Variants in WIPF2 observed in about 807,000 individuals in gnomAD.
WIPF2 encodes the protein WAS/WASL interacting protein family member 2.
WIPF2 carries 23 observed loss-of-function variants against 38.8 expected under a neutral mutation model. The ratio of observed to expected loss-of-function variants is 0.59; its 90% CI spans 0.43 to 0.84. The LOEUF is 0.84. Among genes scored for constraint, WIPF2 ranks in the 40% least tolerant of loss-of-function variants. The probability of loss-of-function intolerance (pLI) is 0.00; values close to 1 mark genes in which losing one functional copy is unlikely to be tolerated. For synonymous variants in WIPF2, 210 were observed against 223.2 expected (o/e 0.94, Z 0.53); for missense variants, 574 against 580.5 (o/e 0.99, Z 0.11).
chr17:40,254,275 C>G (rs1449687666), intron 1 of WIPF2, among the ~76,000 whole-genome samples: 3 of 152,090 alleles, frequency 2.0e-5, no homozygotes, highest in African/African-American at 7.2e-5. Flanking sequence ...TCTCCATCTC[C>G]CAAAGTGTTG....
At chr17:40,264,350 A>C in intron 4 of WIPF2, 140 bp from the exon 5 acceptor site, 1 of 672,388 alleles carries the variant, frequency 1.5e-6, no homozygotes, top group Non-Finnish European at 2.4e-6. Context: ...AAAAAAAAAA[A>C]AAAGAAAAAC....
At chr17:40,274,935 A>C (rs796565426) in intron 6 of WIPF2, among the ~76,000 whole-genome samples, 4 of 148,620 alleles carry the variant, frequency 2.7e-5, no homozygotes, top group African/African-American at 1.0e-4. Flanking sequence ...CTGTCTCAAA[A>C]AAAAAAAAAA....
At chr17:40,251,680 G>A (rs1016731135) in intron 1 of WIPF2, among the ~76,000 whole-genome samples, 15 of 152,198 alleles carry the variant, frequency 9.9e-5, no homozygotes, top group African/African-American at 3.1e-4. Flanking sequence ...CTGGATATGA[G>A]GCCTAACTCT....
intron 1 of WIPF2, among the ~76,000 whole-genome samples, chr17:40,236,105 G>T (rs1488384654): frequency 6.6e-6 from 1 of 151,694 alleles, no homozygotes; most frequent in African/African-American, 2.4e-5. Flanking sequence ...GGGATTATAG[G>T]CATCTGCCAC....
intron 1 of WIPF2, among the ~76,000 whole-genome samples, chr17:40,234,311 C>T (rs1481719686): frequency 6.6e-6 from 1 of 152,018 alleles, no homozygotes; most frequent in Admixed American, 6.6e-5. Flanking sequence ...TGCCTGTAGT[C>T]CCAGCTACTC....
In WIPF2 at chr17:40,250,217, A is replaced by AT. The variant is rs1567716394; in HGVS notation, c.-69-6173dup. Among the ~76,000 whole-genome samples, 66 of 80,280 alleles carry AT rather than the reference A, an allele frequency of 8.2e-4. 3 individuals carry two copies. Among genetic ancestry groups the AT allele is most frequent in the Middle Eastern group, 7.1e-3 (1 of 140 alleles). The allele number at this position is 80,280 out of a possible 152,430, so 52.7% of individuals were successfully genotyped here. On this transcript the variant is annotated intron_variant, in intron 1 of 7. Transcript: ENST00000323571. ...GAGGATGTGCAAAGCGAATTTTATC[A>AT]TGTTTTTTTTTTTTTTTTTTTTTTT...
intron 1 of WIPF2, among the ~76,000 whole-genome samples, chr17:40,223,599 G>GTTTTT (rs527827847): frequency 2.3e-5 from 3 of 130,306 alleles, no homozygotes; most frequent in Non-Finnish European, 3.3e-5. Flanking sequence ...TTTTTTTTGG[G>GTTTTT]TTTTTTTTTT....
Position 40,221,603 on chromosome 17 carries a change from C to T in WIPF2, c.-70+2111C>T, listed in dbSNP as rs371592116. On this transcript the variant is annotated intron_variant, in intron 1 of 7. Coordinates refer to ENST00000323571, the MANE Select transcript of WIPF2 (RefSeq NM_133264.5). ...TCTTTTTTTGTTTGTTTGTTTAAGA[C>T]GGAGTCTCGCTCTTTCACCCAGGCT... Among the ~76,000 whole-genome samples the T allele has an allele frequency of 8.0e-5, 12 of 149,906 alleles. 1 individual carries two copies. In the East Asian group the frequency reaches 1.6e-3, roughly 20 times the overall value.
rs1417545372 is a variant in WIPF2 at position 40,219,450 on chromosome 17, G to T, written c.-112G>T. The stretch of plus-strand genomic sequence containing the variant: ...GCGAGCAGGACAGGACGAAGCCGGA[G>T]TGTAGGCGGCAGAGGATTCGCTCCC... On this transcript the variant is annotated 5_prime_UTR_variant, in exon 1 of 8. Coordinates refer to ENST00000323571, the MANE Select transcript of WIPF2 (RefSeq NM_133264.5). 2 of 289,988 alleles carry T rather than the reference G, an allele frequency of 6.9e-6. No individual in the cohort carries two copies. Among genetic ancestry groups the T allele is most frequent in the East Asian group, 1.3e-4 (2 of 15,266 alleles). 18.0% of individuals were successfully genotyped at this position (289,988 alleles called of 1,614,324 possible).
intron 1 of WIPF2, among the ~76,000 whole-genome samples, chr17:40,245,635 A>G (rs2031338783): frequency 6.6e-6 from 1 of 151,894 alleles, no homozygotes; most frequent in Non-Finnish European, 1.5e-5. Flanking sequence ...GAGCCACTGC[A>G]CCTGTCCTGA....
chr17:40,260,533 A>G lies in WIPF2; in HGVS notation c.64-2A>G. 1 of 1,613,664 alleles carries G rather than the reference A, an allele frequency of 6.2e-7. No individual in the cohort carries two copies. Among genetic ancestry groups the G allele is most frequent in the Non-Finnish European group, 8.5e-7 (1 of 1,179,838 alleles). The stretch of plus-strand genomic sequence containing the variant: ...TGAACTTATATTTCTCTTATCCTCC[A>G]GGCAAACACAGAGCAGCCCAAGCTG... On this transcript the variant is annotated splice_acceptor_variant, in intron 2 of 7. Coordinates refer to ENST00000323571, the MANE Select transcript of WIPF2 (RefSeq NM_133264.5). LOFTEE classifies it high-confidence loss of function.
At chr17:40,269,091 G>A (rs999264984) in intron 5 of WIPF2, among the ~76,000 whole-genome samples, 38 of 152,026 alleles carry the variant, frequency 2.5e-4, no homozygotes, top group African/African-American at 9.2e-4. Context: ...GGCTGAGACA[G>A]GCAGATCACC....
At chr17:40,271,307 G>A (rs1325359720) in intron 5 of WIPF2, among the ~76,000 whole-genome samples, 2 of 152,228 alleles carry the variant, frequency 1.3e-5, no homozygotes, top group Non-Finnish European at 1.5e-5. Context: ...AAACAGTTTT[G>A]TCTGTTAAGC....
At chr17:40,236,607 C>CTTTTT (rs56250344) in intron 1 of WIPF2, among the ~76,000 whole-genome samples, 1 of 133,498 alleles carries the variant, frequency 7.5e-6, no homozygotes, top group Admixed American at 7.8e-5. Context: ...CACTCAGCCT[C>CTTTTT]TTTTTTTTTT....
intron 2 of WIPF2, among the ~76,000 whole-genome samples, chr17:40,259,326 TG>T (rs2031829006): frequency 6.6e-6 from 1 of 151,300 alleles, no homozygotes; most frequent in Admixed American, 6.6e-5. Context: ...TCCCAGCTAC[TG>T]GGGGCGCTGA....
intron 5 of WIPF2, among the ~76,000 whole-genome samples, chr17:40,272,479 A>C (rs2032278093): frequency 6.6e-6 from 1 of 152,228 alleles, no homozygotes; most frequent in Non-Finnish European, 1.5e-5. Context: ...GTTACTGGAC[A>C]TATGTAACTT....
intron 1 of WIPF2, among the ~76,000 whole-genome samples, chr17:40,246,908 G>A (rs567593735): frequency 6.6e-6 from 1 of 151,852 alleles, no homozygotes; most frequent in South Asian, 2.1e-4. Context: ...TCAGTAGTTC[G>A]AGTCCAGTCT....
rs1233195370 is a variant in WIPF2, at chr17:40,222,610, C to T, written c.-70+3118C>T. Among the ~76,000 whole-genome samples the T allele has an allele frequency of 1.9e-4, 23 of 122,494 alleles. No individual in the cohort carries two copies. The East Asian group carries it at 3.5e-3, about 19-fold the overall frequency. 80.4% of individuals were successfully genotyped at this position (122,494 alleles called of 152,430 possible). On this transcript the variant is annotated intron_variant, in intron 1 of 7. Coordinates refer to ENST00000323571, the MANE Select transcript of WIPF2 (RefSeq NM_133264.5). ...GTTTGTGTGTGTGTGTGTGTGTCTG[C>T]GTGCCAGCCAGGGAAGAACTGGTTT...
chr17:40,240,944 CAAA>C (rs199547902), intron 1 of WIPF2, among the ~76,000 whole-genome samples: 4 of 87,034 alleles, frequency 4.6e-5, no homozygotes, highest in Admixed American at 1.3e-4. Context: ...GACTCCGTCT[CAAA>C]AAAAAAAAAA....
Sources: gnomAD v4.1 joint callset for allele counts (sites outside exome capture counted in the v4.1 genomes callset) on GRCh38, gnomAD v4.1.1 for gene constraint, MANE v1.5 for transcripts, NCBI Gene and HGNC (gene_info 2026-07-23, HGNC 2026-07-21) for gene names.